The following PLEKHG7 variants were observed in gnomAD, a reference collection of about 807,000 sequenced individuals.
The protein encoded by PLEKHG7 is pleckstrin homology and RhoGEF domain containing G7.
Under a neutral mutation model 85.2 loss-of-function variants are expected in PLEKHG7, and 77 were observed. That is an observed-to-expected ratio of 0.90 (90% CI 0.75 to 1.09). The LOEUF is 1.09. PLEKHG7 is among the 50% of genes least tolerant of loss of function. PLEKHG7 has a pLI of 0.00. For missense variants in PLEKHG7, 777 were observed against 804.3 expected (o/e 0.97, Z 0.41); for synonymous variants, 301 against 302.4 (o/e 1.00, Z 0.05).
intron 3 of PLEKHG7, among the ~76,000 whole-genome samples, chr12:92,720,759 C>T (rs1011436955): frequency 1.3e-5 from 2 of 152,196 alleles, no homozygotes; most frequent in African/African-American, 2.4e-5. Flanking sequence ...GCCATATGCA[C>T]ATGTTCCAGG....
intron 6 of PLEKHG7, 85 bp downstream of exon 6, chr12:92,736,662 G>A: frequency 1.2e-6 from 1 of 813,338 alleles, no homozygotes; most frequent in East Asian, 3.4e-5. Context: ...AGTATTTTAA[G>A]CTGCCAGATT....
chr12:92,750,450 C>T (rs1391828523), intron 10 of PLEKHG7, among the ~76,000 whole-genome samples: 1 of 152,140 alleles, frequency 6.6e-6, no homozygotes, highest in Non-Finnish European at 1.5e-5. Context: ...AAATTATTTA[C>T]CACGGATGCT....
At chr12:92,731,457 G>A (rs1440441139) in intron 4 of PLEKHG7, among the ~76,000 whole-genome samples, 1 of 152,222 alleles carries the variant, frequency 6.6e-6, no homozygotes, top group African/African-American at 2.4e-5. Context: ...GATAGAGAGA[G>A]AGATGGACGT....
intron 3 of PLEKHG7, 24 bp downstream of exon 3, chr12:92,707,696 G>A (rs1358925313): frequency 3.0e-5 from 48 of 1,613,678 alleles, no homozygotes; most frequent in East Asian, 6.7e-5. Flanking sequence ...TATTTTCTCC[G>A]GTGCTATGAC....
chr12:92,751,976 C>T (rs1872703741), intron 10 of PLEKHG7, among the ~76,000 whole-genome samples: 1 of 151,736 alleles, frequency 6.6e-6, no homozygotes, highest in Non-Finnish European at 1.5e-5. Context: ...ATGATCATAC[C>T]ACTGCACTTC....
At chr12:92,726,571 A>G (rs1871823809) in intron 3 of PLEKHG7, among the ~76,000 whole-genome samples, 1 of 152,190 alleles carries the variant, frequency 6.6e-6, no homozygotes, top group Non-Finnish European at 1.5e-5. Context: ...GTGAGTCCCT[A>G]CAGTTCCATG....
chr12:92,704,819 C>T (rs973507921), intron 1 of PLEKHG7, among the ~76,000 whole-genome samples: 4 of 152,188 alleles, frequency 2.6e-5, no homozygotes, highest in Non-Finnish European at 5.9e-5. Context: ...CTCAAGGGAT[C>T]CTCCCGCCTT....
In PLEKHG7 at chr12:92,703,563, A is replaced by G. The variant is rs539806378; in HGVS notation, c.-162+431A>G. On this transcript the variant is annotated intron_variant, in intron 1 of 16. Transcript: ENST00000344636. ...AGGTTCTTTGATGTCCTCTTGGTAA[A>G]TGCTGCATGGCAGTTGGCAGAGGAG... 5.9e-5 allele frequency among the ~76,000 whole-genome samples: 9 copies of G among 152,266 alleles called. No individual in the cohort carries two copies. The East Asian group carries it at 1.7e-3, about 29-fold the overall frequency.
chr12:92,720,024 T>C (rs79737211), intron 3 of PLEKHG7, among the ~76,000 whole-genome samples: 2,709 of 152,302 alleles, frequency 0.018, 64 homozygotes, highest in African/African-American at 0.063. Flanking sequence ...GGGTCCTAAG[T>C]TGGGTGCCCT....
At chr12:92,715,099 C>T (rs535129227) in intron 3 of PLEKHG7, among the ~76,000 whole-genome samples, 5 of 152,188 alleles carry the variant, frequency 3.3e-5, no homozygotes, top group Non-Finnish European at 7.4e-5. Context: ...CACATGATCA[C>T]GAGGTCCCAC....
rs536713293 is a variant in PLEKHG7, at chr12:92,748,243, C to T, written c.1251+2652C>T. On this transcript the variant is annotated intron_variant, in intron 10 of 16. Transcript: ENST00000344636. Reference sequence around the variant, plus strand: ...GTAGAGGATAAGTGCTGTTATAACACATGATGCTTTTTTTTTTTTTTGAGA... The same window carrying T: ...GTAGAGGATAAGTGCTGTTATAACATATGATGCTTTTTTTTTTTTTTGAGA... 3.2e-5 allele frequency among the ~76,000 whole-genome samples: 4 copies of T among 126,078 alleles called. No individual in the cohort carries two copies. In the South Asian group the frequency reaches 8.2e-4, roughly 26 times the overall value. 82.7% of individuals were successfully genotyped at this position (126,078 alleles called of 152,430 possible). A position where few individuals can be genotyped will look rare whatever the true frequency, so the allele number is the denominator to read the frequency against.
chr12:92,727,818 T>G (rs1357169578), intron 3 of PLEKHG7, among the ~76,000 whole-genome samples: 1 of 151,878 alleles, frequency 6.6e-6, no homozygotes, highest in African/African-American at 2.4e-5. Flanking sequence ...CTCGAACTCC[T>G]GACCTCAGAT....
intron 7 of PLEKHG7, 52 bp downstream of exon 7, chr12:92,737,573 T>C (rs117202026): frequency 0.016 from 24,402 of 1,545,306 alleles, 277 homozygotes; most frequent in Middle Eastern, 0.071. Flanking sequence ...ATTTGTTTTT[T>C]TGGGCACTTG....
intron 5 of PLEKHG7, among the ~76,000 whole-genome samples, chr12:92,733,272 C>T (rs558682196): frequency 6.6e-6 from 1 of 152,230 alleles, no homozygotes; most frequent in South Asian, 2.1e-4. Context: ...TAACGAATGC[C>T]GTATAATGCA....
intron 10 of PLEKHG7, among the ~76,000 whole-genome samples, chr12:92,752,268 A>G (rs1317965825): frequency 6.6e-6 from 1 of 152,120 alleles, no homozygotes; most frequent in Non-Finnish European, 1.5e-5. Flanking sequence ...ACAACCCAAA[A>G]TCTTCAGTAA....
intron 15 of PLEKHG7, among the ~76,000 whole-genome samples, chr12:92,767,380 T>C (rs10745621): frequency 0.63 from 96,263 of 152,048 alleles, 31,161 homozygotes; most frequent in East Asian, 0.94. Context: ...AGTACAATTA[T>C]AGTTTTTGAG....
rs747975091 is a variant in PLEKHG7 at position 92,769,081 on chromosome 12, G to A, written c.1968+1G>A. On this transcript the variant is annotated splice_donor_variant, in intron 16 of 16. Transcript: ENST00000344636. LOFTEE classifies it high-confidence loss of function. ...ACAAGCCCAAACGGAAAACATCAAA[G>A]TATGTATTTTAATTTTGTAGGTCTT... 1.3e-6 allele frequency: 2 copies of A among 1,558,944 alleles called. No homozygotes were observed. The highest frequency in any genetic ancestry group is 1.8e-6 in the Non-Finnish European group (2 of 1,134,198).
intron 10 of PLEKHG7, among the ~76,000 whole-genome samples, chr12:92,748,551 A>G (rs888688336): frequency 1.3e-5 from 2 of 152,028 alleles, no homozygotes; most frequent in African/African-American, 2.4e-5. Flanking sequence ...CCCAGCTCAC[A>G]TGATGCTTTT....
In PLEKHG7 at chr12:92,707,016, A is replaced by C. The variant is rs777523211; in HGVS notation, c.385A>C (p.Thr129Pro). 1 of 1,613,660 alleles carries C rather than the reference A, an allele frequency of 6.2e-7. No individual in the cohort carries two copies. Among genetic ancestry groups the C allele is most frequent in the Non-Finnish European group, 8.5e-7 (1 of 1,179,936 alleles). ...ADSLEPQTRP[T>P]DKYLPPELQP... Reference sequence around the variant, plus strand: ...CTCACTGGAGCCCCAAACCCGGCCCACTGACAAGTATCTCCCTCCTGAGCT... The same window carrying C: ...CTCACTGGAGCCCCAAACCCGGCCCCCTGACAAGTATCTCCCTCCTGAGCT... Residue 129 changes from threonine to proline, a missense_variant, in exon 2 of 17, where the codon ACT becomes CCT. This residue lies in a region of PLEKHG7 where 252 missense variants were observed against 241.9 expected (regional missense o/e 1.04). Coordinates refer to ENST00000344636, the MANE Select transcript of PLEKHG7 (RefSeq NM_001377329.1).
Sources: allele counts gnomAD v4.1 joint callset (sites outside exome capture counted in the v4.1 genomes callset), GRCh38; gene constraint gnomAD v4.1.1; regional missense constraint gnomAD v4.1.1; transcripts MANE v1.5; gene names NCBI Gene and HGNC (gene_info 2026-07-23, HGNC 2026-07-21).